Variants in ADGRL1 observed in about 807,000 individuals in gnomAD.
ADGRL1 encodes adhesion G protein-coupled receptor L1, also known as CIRL-1.
Under a neutral mutation model 148.9 loss-of-function variants are expected in ADGRL1, and 31 were observed. The observed-to-expected ratio is 0.21, with a 90% CI of 0.16 to 0.28. The LOEUF is 0.28. Ranked by LOEUF, ADGRL1 falls within the 10% of genes least tolerant of loss-of-function variation. The pLI, the probability that ADGRL1 is intolerant of heterozygous loss-of-function variation, is 1.00. For synonymous variants in ADGRL1, 937 were observed against 900.3 expected (o/e 1.04, Z -0.73); for missense variants, 1,521 against 2,058.8 (o/e 0.74, Z 5.05).
At position 14,180,912 on chromosome 19, in the gene ADGRL1, G is replaced by C. The variant is rs540688880; in HGVS notation, c.70+2621C>G. Reference sequence around the variant, plus strand: ...ACTGTGAGCAAATTAGCCGGGCGTGGTGGCAGGCACCTATAGTCCCAGCTA... The same window carrying C: ...ACTGTGAGCAAATTAGCCGGGCGTGCTGGCAGGCACCTATAGTCCCAGCTA... On this transcript the variant is annotated intron_variant, in intron 2 of 22. Transcript: ENST00000361434. Among the ~76,000 whole-genome samples, 7 of 152,138 alleles carry C rather than the reference G, an allele frequency of 4.6e-5. No homozygotes were observed. In the East Asian group the frequency reaches 1.4e-3, roughly 29 times the overall value.
intron 4 of ADGRL1, chr19:14,166,913 G>T (rs1171837586): frequency 8.1e-7 from 1 of 1,227,404 alleles, no homozygotes; most frequent in African/African-American, 1.5e-5. Context: ...CCAAGTGTGG[G>T]TTGGGGAGAG....
chr19:14,199,876 G>A (rs1972489047), intron 1 of ADGRL1, among the ~76,000 whole-genome samples: 2 of 152,062 alleles, frequency 1.3e-5, no homozygotes, highest in African/African-American at 4.8e-5. Flanking sequence ...TGGGACTACA[G>A]GCACTCACCA....
At chr19:14,186,533 G>A (rs1242297722) in intron 1 of ADGRL1, among the ~76,000 whole-genome samples, 1 of 151,992 alleles carries the variant, frequency 6.6e-6, no homozygotes, top group Non-Finnish European at 1.5e-5. Flanking sequence ...AGTACCTCGC[G>A]ACCTGCCCAC....
At chr19:14,173,011 G>A (rs185309398) in intron 3 of ADGRL1, among the ~76,000 whole-genome samples, 3 of 152,264 alleles carry the variant, frequency 2.0e-5, no homozygotes, top group Admixed American at 2.0e-4. Context: ...CGAGGCTGGA[G>A]TGCAGTGGTA....
chr19:14,172,257 A>C (rs1351781405), intron 3 of ADGRL1, among the ~76,000 whole-genome samples: 1 of 152,240 alleles, frequency 6.6e-6, no homozygotes, highest in Middle Eastern at 3.4e-3. Flanking sequence ...CCCTGTCTCT[A>C]CTAAAAATAC....
intron 2 of ADGRL1, among the ~76,000 whole-genome samples, chr19:14,181,743 T>C (rs931271326): frequency 2.6e-5 from 4 of 152,092 alleles, no homozygotes; most frequent in African/African-American, 9.7e-5. Flanking sequence ...TTTAAAAAGT[T>C]TGAACAGCCA....
intron 18 of ADGRL1, 106 bp from the exon 19 acceptor site, chr19:14,153,018 G>C: frequency 7.3e-7 from 1 of 1,365,484 alleles, no homozygotes; most frequent in Non-Finnish European, 1.0e-6. Context: ...GCCGGAGACC[G>C]AGCTTCCAAT....
rs1192658013 is a variant in ADGRL1, at chr19:14,149,864, G to A, written c.*1009C>T. On this transcript the variant is annotated 3_prime_UTR_variant, in exon 23 of 23. Coordinates refer to ENST00000361434, the MANE Select transcript of ADGRL1 (RefSeq NM_014921.5). Reference sequence around the variant, plus strand: ...CGCTGCTCTGCTCCGGAGAAAGCCCGGGCTGGCCCGGGCCGCAGGCTCCCG... The same window carrying A: ...CGCTGCTCTGCTCCGGAGAAAGCCCAGGCTGGCCCGGGCCGCAGGCTCCCG... 1 of 152,304 alleles carries A rather than the reference G, an allele frequency of 6.6e-6. No homozygotes were observed. The highest frequency in any genetic ancestry group is 1.5e-5 in the Non-Finnish European group (1 of 67,896). The allele number at this position is 152,304 out of a possible 1,614,324, so 9.4% of individuals were successfully genotyped here.
intron 18 of ADGRL1, among the ~76,000 whole-genome samples, chr19:14,153,201 C>A (rs1444515109): frequency 1.3e-5 from 2 of 152,132 alleles, no homozygotes; most frequent in Non-Finnish European, 2.9e-5. Context: ...TATTGAGCAT[C>A]CGCTATGTGC....
chr19:14,159,084 ACT>A lies in ADGRL1; in HGVS notation c.2149+4_2149+5del. 2 of 1,613,714 alleles carry A rather than the reference ACT, an allele frequency of 1.2e-6. No individual in the cohort carries two copies. Among genetic ancestry groups the A allele is most frequent in the Non-Finnish European group, 1.7e-6 (2 of 1,180,020 alleles). On this transcript the variant is annotated splice_donor_5th_base_variant and intron_variant, in intron 11 of 22. Coordinates refer to ENST00000361434, the MANE Select transcript of ADGRL1 (RefSeq NM_014921.5). The surrounding 1 kb of genome is among the most constrained non-coding windows in gnomAD (Gnocchi z 6.0). ...CCCCACCCGAGGCCCCGCCGGGGAC[ACT>A]GACCATTGCGGCTGTTCTGCTTGAT...
intron 3 of ADGRL1, among the ~76,000 whole-genome samples, chr19:14,172,992 C>G (rs908142135): frequency 3.3e-5 from 5 of 152,144 alleles, no homozygotes; most frequent in African/African-American, 1.2e-4. Context: ...CAGGGTCCCG[C>G]TCTGTCACCG....
At chr19:14,194,687 G>C (rs112050436) in intron 1 of ADGRL1, among the ~76,000 whole-genome samples, 2,695 of 152,198 alleles carry the variant, frequency 0.018, 35 homozygotes, top group South Asian at 0.034. Context: ...GGGGGATCCT[G>C]GGGGGCCAGA....
At chr19:14,184,806 AT>A (rs964628272) in intron 1 of ADGRL1, among the ~76,000 whole-genome samples, 32 of 151,444 alleles carry the variant, frequency 2.1e-4, no homozygotes, top group Non-Finnish European at 3.7e-4. Context: ...CGCCCGGCTA[AT>A]TTTTTGTATT....
rs1210906191 is a variant in ADGRL1 at position 14,173,967 on chromosome 19, AAG to A, written c.285-3178_285-3177del. On this transcript the variant is annotated intron_variant, in intron 3 of 22. Transcript: ENST00000361434. The stretch of plus-strand genomic sequence containing the variant: ...TCAAAAAAAAAAAAAAAAAAAAAAA[AAG>A]AGTCTCCAGGCTTGGTTGTGGAGCA... Among the ~76,000 whole-genome samples the A allele has an allele frequency of 2.6e-3, 388 of 150,230 alleles. 16 individuals carry two copies. The East Asian group carries it at 0.072, about 28-fold the overall frequency.
chr19:14,180,001 A>C (rs1971080125), intron 2 of ADGRL1, among the ~76,000 whole-genome samples: 1 of 152,120 alleles, frequency 6.6e-6, no homozygotes, highest in Admixed American at 6.6e-5. Flanking sequence ...GTCTCAGCTG[A>C]CTTCTAGAGA....
Position 14,155,744 on chromosome 19 carries a change from T to C in ADGRL1, c.3126-217A>G. 1 of 586,298 alleles carries C rather than the reference T, an allele frequency of 1.7e-6. No individual in the cohort carries two copies. The highest frequency in any genetic ancestry group is 2.1e-5 in the South Asian group (1 of 47,724). The allele number at this position is 586,298 out of a possible 1,614,324, so 36.3% of individuals were successfully genotyped here. A position where few individuals can be genotyped will look rare whatever the true frequency, so the allele number is the denominator to read the frequency against. On this transcript the variant is annotated intron_variant, in intron 17 of 22. Coordinates refer to ENST00000361434, the MANE Select transcript of ADGRL1 (RefSeq NM_014921.5). This position sits in a 1 kb window ranked among gnomAD's most constrained non-coding sequence, Gnocchi z 5.0. ...AAAGGTACTGGGTCAGGGGTCGGGG[T>C]ATTGTGAACATCAGTTATTCCTCTG... is the stretch of plus-strand genomic sequence containing the variant.
At chr19:14,201,849 C>T (rs1390741048) in intron 1 of ADGRL1, among the ~76,000 whole-genome samples, 4 of 152,056 alleles carry the variant, frequency 2.6e-5, no homozygotes, top group African/African-American at 4.8e-5. Context: ...AACAAACAAG[C>T]GCAGAACATC....
Position 14,157,467 on chromosome 19 carries a change from A to G in ADGRL1, c.2536-7T>C. ...CGTTGATGCGGCCCTGGTACTGGGG[A>G]CAGGAACAGGGGGCACGCTCAGGGC... On this transcript the variant is annotated splice_polypyrimidine_tract_variant and splice_region_variant and intron_variant, in intron 13 of 22. Transcript: ENST00000361434. This position sits in a 1 kb window ranked among gnomAD's most constrained non-coding sequence, Gnocchi z 7.5. The G allele has an allele frequency of 6.2e-7, 1 of 1,613,188 alleles. No homozygotes were observed. The highest frequency in any genetic ancestry group is 1.1e-5 in the South Asian group (1 of 91,064).
Position 14,152,442 on chromosome 19 carries a change from C to T in ADGRL1, c.3521-5G>A, listed in dbSNP as rs756339884. 3 of 1,604,038 alleles carry T rather than the reference C, an allele frequency of 1.9e-6. No individual in the cohort carries two copies. In the East Asian group the frequency reaches 6.7e-5, roughly 36 times the overall value. On this transcript the variant is annotated splice_region_variant and splice_polypyrimidine_tract_variant and intron_variant, in intron 20 of 22. Transcript: ENST00000361434. The surrounding 1 kb of genome is among the most constrained non-coding windows in gnomAD (Gnocchi z 6.1). ...GCAGGTGGTTCCCCATGGTACCTGG[C>T]CAAAGGATCAGAGGTCACAAGGCAG... is the stretch of plus-strand genomic sequence containing the variant.
Sources: allele counts gnomAD v4.1 joint callset (sites outside exome capture counted in the v4.1 genomes callset), GRCh38; gene constraint gnomAD v4.1.1; non-coding constraint Gnocchi (gnomAD v3.1); transcripts MANE v1.5; gene names NCBI Gene and HGNC (gene_info 2026-07-23, HGNC 2026-07-21).